The following DPP10 variants were observed in gnomAD, a reference collection of about 807,000 sequenced individuals.
The protein encoded by DPP10 is dipeptidyl peptidase like 10.
A neutral mutation model predicts 120.9 loss-of-function variants in DPP10; 33 were observed. The observed-to-expected ratio is 0.27, with a 90% CI of 0.21 to 0.37. The LOEUF is 0.37. DPP10 is among the 10% of genes least tolerant of loss of function. DPP10 has a pLI of 1.00. For missense variants in DPP10, 816 were observed against 942.8 expected (o/e 0.87, Z 1.76); for synonymous variants, 337 against 326.1 (o/e 1.03, Z -0.36).
chr2:114,547,487 C>T (rs902535460), intron 1 of DPP10, among the ~76,000 whole-genome samples: 2 of 151,790 alleles, frequency 1.3e-5, no homozygotes, highest in Non-Finnish European at 2.9e-5. Context: ...AAAGCAGCTG[C>T]ATTTTGATTT....
intron 1 of DPP10, among the ~76,000 whole-genome samples, chr2:115,296,208 A>G (rs1256277168): frequency 1.3e-5 from 2 of 152,086 alleles, no homozygotes; most frequent in Admixed American, 1.3e-4. Context: ...AAGGAAGTGC[A>G]GTTGGTTAAG....
At chr2:114,888,248 T>G (rs1692243147) in intron 1 of DPP10, among the ~76,000 whole-genome samples, 2 of 152,080 alleles carry the variant, frequency 1.3e-5, no homozygotes, top group African/African-American at 4.8e-5. Context: ...ATCCACATTC[T>G]CTTTTTGTGC....
intron 21 of DPP10, among the ~76,000 whole-genome samples, chr2:115,832,431 G>A (rs78523410): frequency 0.02 from 3,030 of 152,274 alleles, 95 homozygotes; most frequent in African/African-American, 0.067. Context: ...CAGCGGTTGC[G>A]ATGAGCAGAG....
intron 1 of DPP10, chr2:115,233,914 A>C (rs1293727065): frequency 1.9e-6 from 1 of 517,438 alleles, no homozygotes; most frequent in Admixed American, 1.9e-5. Flanking sequence ...TCTTCTGCCC[A>C]GTAGTATCAG....
At chr2:114,893,893 ATTAACT>A (rs1386988040) in intron 1 of DPP10, among the ~76,000 whole-genome samples, 1 of 152,154 alleles carries the variant, frequency 6.6e-6, no homozygotes, top group East Asian at 1.9e-4. Flanking sequence ...CTTCGCTAGA[ATTAACT>A]GTGGTCCTAT....
At chr2:115,381,831 C>T (rs192119782) in intron 3 of DPP10, among the ~76,000 whole-genome samples, 2 of 149,184 alleles carry the variant, frequency 1.3e-5, no homozygotes, top group South Asian at 2.2e-4. Flanking sequence ...GTCAGTCTGC[C>T]CCTGCTGGGG....
intron 5 of DPP10, among the ~76,000 whole-genome samples, chr2:115,563,229 C>T (rs987977711): frequency 4.6e-5 from 7 of 152,094 alleles, no homozygotes; most frequent in Non-Finnish European, 8.8e-5. Context: ...TTTTTCCTAA[C>T]CCTGACTCAT....
chr2:115,497,041 C>T (rs538450467), intron 3 of DPP10, among the ~76,000 whole-genome samples: 1 of 151,988 alleles, frequency 6.6e-6, no homozygotes, highest in Non-Finnish European at 1.5e-5. Flanking sequence ...AAAATCATCT[C>T]AGAAGACCAA....
intron 5 of DPP10, among the ~76,000 whole-genome samples, chr2:115,561,742 T>G (rs1325314148): frequency 1.3e-5 from 2 of 152,236 alleles, no homozygotes; most frequent in Non-Finnish European, 2.9e-5. Flanking sequence ...GATTTTCTTC[T>G]TAATCTTTTT....
chr2:115,358,877 C>A (rs898303433), intron 3 of DPP10, among the ~76,000 whole-genome samples: 11 of 152,080 alleles, frequency 7.2e-5, no homozygotes, highest in Non-Finnish European at 1.6e-4. Flanking sequence ...CCTTATAGAA[C>A]CTTCAAATCT....
At chr2:114,520,549 G>C (rs1684966867) in intron 1 of DPP10, among the ~76,000 whole-genome samples, 1 of 152,182 alleles carries the variant, frequency 6.6e-6, no homozygotes, top group Non-Finnish European at 1.5e-5. Context: ...CCACAATGAA[G>C]CATGAACAAT....
intron 1 of DPP10, among the ~76,000 whole-genome samples, chr2:114,843,266 C>T (rs1688300022): frequency 6.6e-6 from 1 of 152,110 alleles, no homozygotes; most frequent in South Asian, 2.1e-4. Context: ...GAACAAAGTT[C>T]ATAGGACTTC....
chr2:115,752,903 C>G (rs1051623163), intron 10 of DPP10, among the ~76,000 whole-genome samples: 4 of 151,990 alleles, frequency 2.6e-5, no homozygotes, highest in African/African-American at 7.2e-5. Flanking sequence ...AAATAATTCA[C>G]TCTCAAATTT....
intron 8 of DPP10, among the ~76,000 whole-genome samples, chr2:115,737,046 G>C (rs1676610215): frequency 6.6e-6 from 1 of 152,070 alleles, no homozygotes. Flanking sequence ...GAAGATTTCT[G>C]TTTCTTATTG....
intron 9 of DPP10, among the ~76,000 whole-genome samples, chr2:115,745,505 A>G (rs1490738774): frequency 6.6e-6 from 1 of 150,466 alleles, no homozygotes; most frequent in Non-Finnish European, 1.5e-5. Flanking sequence ...CCACCTCCCA[A>G]GGGTTGTCAA....
intron 1 of DPP10, among the ~76,000 whole-genome samples, chr2:114,966,626 T>C (rs933308507): frequency 6.6e-6 from 1 of 152,216 alleles, no homozygotes; most frequent in South Asian, 2.1e-4. Context: ...AGGTATTCTG[T>C]TACAGCAACA....
At chr2:115,316,284 C>T (rs2030172) in intron 2 of DPP10, among the ~76,000 whole-genome samples, 2 of 152,198 alleles carry the variant, frequency 1.3e-5, no homozygotes, top group Admixed American at 6.5e-5. Flanking sequence ...CGATCACTCT[C>T]TCAGGCACTT....
At chr2:115,005,007 G>A (rs559560676) in intron 1 of DPP10, among the ~76,000 whole-genome samples, 7 of 151,984 alleles carry the variant, frequency 4.6e-5, no homozygotes, top group South Asian at 2.1e-4. Flanking sequence ...CTCCCAGTAG[G>A]CAGCTGGAGA....
chr2:115,442,349 C>CTGTGTG (rs377386557), intron 3 of DPP10, among the ~76,000 whole-genome samples: 1 of 142,706 alleles, frequency 7.0e-6, no homozygotes, highest in Non-Finnish European at 1.5e-5. Flanking sequence ...AATATATTAT[C>CTGTGTG]TGTGTGTGTG....
Sources: gnomAD v4.1 joint callset for allele counts (sites outside exome capture counted in the v4.1 genomes callset) on GRCh38, gnomAD v4.1.1 for gene constraint, MANE v1.5 for transcripts, NCBI Gene and HGNC (gene_info 2026-07-23, HGNC 2026-07-21) for gene names.